DSC1: variants seen among roughly 807,000 people sequenced by gnomAD.
DSC1 encodes the protein desmocollin-1.
Under a neutral mutation model 98.8 loss-of-function variants are expected in DSC1, and 79 were observed. The ratio of observed to expected loss-of-function variants is 0.80; its 90% CI spans 0.67 to 0.96. The LOEUF (loss-of-function observed/expected upper bound fraction) is 0.96. Ranked by LOEUF, DSC1 falls within the 50% of genes least tolerant of loss-of-function variation. DSC1 has a pLI of 0.00. For missense variants in DSC1, 1,115 were observed against 1,075.9 expected (o/e 1.04, Z -0.51); for synonymous variants, 405 against 372.1 (o/e 1.09, Z -1.02).
chr18:31,130,821 G>A (rs763397332), intron 15 of DSC1, 110 bp from the exon 16 acceptor site: 18 of 1,612,396 alleles, frequency 1.1e-5, no homozygotes, highest in African/African-American at 4.0e-5. Context: ...TAATCAGAGT[G>A]TGTCCTCTAA....
intron 2 of DSC1, 50 bp from the exon 3 acceptor site, chr18:31,157,623 A>C: frequency 1.2e-6 from 2 of 1,600,038 alleles, no homozygotes; most frequent in South Asian, 1.1e-5. Flanking sequence ...CAGGAGTGGA[A>C]CAAGTTTTAC....
At chr18:31,139,291 T>A (rs1377023178) in intron 11 of DSC1, among the ~76,000 whole-genome samples, 1 of 152,072 alleles carries the variant, frequency 6.6e-6, no homozygotes. Context: ...ATAGGATAAA[T>A]GATTTGTTCT....
intron 13 of DSC1, among the ~76,000 whole-genome samples, chr18:31,133,260 CAGAA>C (rs371849453): frequency 2.0e-5 from 3 of 151,958 alleles, no homozygotes; most frequent in South Asian, 2.1e-4. Context: ...AAGAGAGAAA[CAGAA>C]AGAAAGAAAG....
intron 7 of DSC1, among the ~76,000 whole-genome samples, 174 bp from the exon 8 acceptor site, chr18:31,143,965 A>C (rs1323431346): frequency 6.6e-6 from 1 of 152,138 alleles, no homozygotes; most frequent in Non-Finnish European, 1.5e-5. Context: ...GCTGGAGTGC[A>C]GTGGCATGAT....
intron 9 of DSC1, among the ~76,000 whole-genome samples, chr18:31,141,232 G>A (rs2028159): frequency 0.45 from 68,716 of 151,490 alleles, 17,238 homozygotes; most frequent in East Asian, 0.74. Flanking sequence ...TATCAAGGGG[G>A]AAAAAACCTA....
intron 8 of DSC1, among the ~76,000 whole-genome samples, chr18:31,143,248 T>C (rs1988772608): frequency 6.6e-6 from 1 of 151,886 alleles, no homozygotes; most frequent in East Asian, 1.9e-4. Flanking sequence ...TACTACTGTC[T>C]CCGTAGGCTA....
chr18:31,143,888 ATTC>A (rs1188354092), intron 7 of DSC1, 97 bp from the exon 8 acceptor site: 2 of 882,328 alleles, frequency 2.3e-6, no homozygotes, highest in Non-Finnish European at 3.1e-6. Context: ...TTGTACAAAT[ATTC>A]TTTTTTACTT....
chr18:31,140,985 G>C (rs1464098436), intron 9 of DSC1, among the ~76,000 whole-genome samples: 1 of 152,124 alleles, frequency 6.6e-6, no homozygotes, highest in Non-Finnish European at 1.5e-5. Flanking sequence ...TTTATCAGGG[G>C]TTTCTGCTTT....
chr18:31,131,889 T>A, intron 14 of DSC1, 47 bp from the exon 15 acceptor site: 1 of 1,601,526 alleles, frequency 6.2e-7, no homozygotes, highest in Non-Finnish European at 8.5e-7. Flanking sequence ...AAATGGAAAC[T>A]AACAATTCAT....
Position 31,139,770 on chromosome 18 carries a change from A to C in DSC1, c.1641T>G (p.Ile547Met). Reference sequence around the variant, plus strand: ...CACCTGCATCCACTGCAACAACTGAAATATTGTATTGGTTGTTTTTTACAA... The same window carrying C: ...CACCTGCATCCACTGCAACAACTGACATATTGTATTGGTTGTTTTTTACAA... ...SKFVKNNQYN[I>M]SVVAVDAVGR... The change falls in exon 11 of 16, where the codon ATT becomes ATG. Residue 547 changes from isoleucine to methionine, a missense_variant. By Grantham distance (10) the Ile-to-Met change is conservative (BLOSUM62 1). Transcript: ENST00000257198. 3 of 1,605,926 alleles carry C rather than the reference A, an allele frequency of 1.9e-6. No individual in the cohort carries two copies. Among genetic ancestry groups the C allele is most frequent in the Non-Finnish European group, 1.7e-6 (2 of 1,177,132 alleles).
chr18:31,148,702 A>T, intron 5 of DSC1, 60 bp from the exon 6 acceptor site: 2 of 1,432,612 alleles, frequency 1.4e-6, no homozygotes. Flanking sequence ...CACAAAAGTA[A>T]GCCTAGCAGT....
At chr18:31,148,061 T>C (rs1258305172) in intron 6 of DSC1, among the ~76,000 whole-genome samples, 1 of 152,154 alleles carries the variant, frequency 6.6e-6, no homozygotes, top group African/African-American at 2.4e-5. Context: ...ATATTCTCTA[T>C]GGATTTCTGG....
chr18:31,144,617 A>G (rs1204515376), intron 7 of DSC1, among the ~76,000 whole-genome samples: 1 of 152,202 alleles, frequency 6.6e-6, no homozygotes, highest in Non-Finnish European at 1.5e-5. Flanking sequence ...GAAGGCATCA[A>G]TAGGAGAAGC....
chr18:31,154,449 A>G (rs1399641146), intron 5 of DSC1, among the ~76,000 whole-genome samples: 1 of 152,032 alleles, frequency 6.6e-6, no homozygotes, highest in Admixed American at 6.5e-5. Flanking sequence ...ATGTACAGCC[A>G]TGGTTGAGAA....
At chr18:31,158,127 C>G (rs554152186) in intron 2 of DSC1, among the ~76,000 whole-genome samples, 64 of 152,086 alleles carry the variant, frequency 4.2e-4, no homozygotes, top group Non-Finnish European at 7.6e-4. Context: ...ATTAGCCAAG[C>G]ATGGTGGCGT....
chr18:31,150,506 C>G (rs1988979957), intron 5 of DSC1, among the ~76,000 whole-genome samples: 1 of 20,218 alleles, frequency 4.9e-5, no homozygotes, highest in Non-Finnish European at 1.3e-4. Context: ...ACCACACTAC[C>G]ATCATCACCA....
At chr18:31,130,899 T>C in intron 15 of DSC1, 188 bp from the exon 16 acceptor site, 1 of 1,467,764 alleles carries the variant, frequency 6.8e-7, no homozygotes, top group Non-Finnish European at 9.3e-7. Flanking sequence ...ATATAGCAAA[T>C]AAATAAATGC....
intron 7 of DSC1, 21 bp from the exon 8 acceptor site, chr18:31,143,812 A>G: frequency 6.5e-7 from 1 of 1,531,910 alleles, no homozygotes; most frequent in Non-Finnish European, 8.8e-7. Context: ...GGAAAAAACT[A>G]CATTAATGAA....
At chr18:31,134,519 C>A in intron 12 of DSC1, 53 bp downstream of exon 12, 4 of 1,356,878 alleles carry the variant, frequency 2.9e-6, no homozygotes, top group Non-Finnish European at 4.0e-6. Flanking sequence ...GGTGAAAGAA[C>A]CATCACCAAT....
Sources: gnomAD v4.1 joint callset for allele counts (sites outside exome capture counted in the v4.1 genomes callset) on GRCh38, gnomAD v4.1.1 for gene constraint, MANE v1.5 for transcripts, NCBI Gene and HGNC (gene_info 2026-07-23, HGNC 2026-07-21) for gene names.